Variants in CIT observed in about 807,000 individuals in gnomAD.
The protein encoded by CIT is citron rho-interacting serine/threonine kinase, also known as citron Rho-interacting kinase.
A neutral mutation model predicts 272.7 loss-of-function variants in CIT; 79 were observed. The ratio of observed to expected loss-of-function variants is 0.29; its 90% confidence interval spans 0.24 to 0.35. CIT has a LOEUF of 0.35. CIT is among the 10% of genes least tolerant of loss of function. The pLI is 1.00. For missense variants in CIT, 1,909 were observed against 2,618.3 expected, an observed-to-expected ratio of 0.73 and a Z score of 5.91; for synonymous variants, 948 against 995.6, an observed-to-expected ratio of 0.95 and a Z score of 0.90.
intron 40 of CIT, 93 bp downstream of exon 40, chr12:119,708,086 T>C: frequency 2.3e-6 from 3 of 1,318,244 alleles, no homozygotes; most frequent in Non-Finnish European, 3.0e-6. Flanking sequence ...AAGTTGACAC[T>C]ATCTTGAAGG....
chr12:119,701,800 T>C (rs1158693533), intron 42 of CIT, 48 bp from the exon 43 acceptor site: 1 of 1,614,080 alleles, frequency 6.2e-7, no homozygotes, highest in African/African-American at 1.3e-5. Context: ...GTTCTGAGTC[T>C]CAGCGCGGCC....
chr12:119,791,054 G>C (rs926050628), intron 10 of CIT, among the ~76,000 whole-genome samples: 1 of 152,128 alleles, frequency 6.6e-6, no homozygotes, highest in Non-Finnish European at 1.5e-5. Context: ...ATTAAGGAGG[G>C]GCTTGCCCTA....
chr12:119,743,243 G>A (rs1245225728), intron 23 of CIT, among the ~76,000 whole-genome samples: 1 of 151,866 alleles, frequency 6.6e-6, no homozygotes, highest in Non-Finnish European at 1.5e-5. Context: ...AAAAAAAAAA[G>A]GAATAAGAAA....
chr12:119,767,617 A>G (rs1962598799), intron 18 of CIT, among the ~76,000 whole-genome samples: 1 of 152,242 alleles, frequency 6.6e-6, no homozygotes, highest in Non-Finnish European at 1.5e-5. Flanking sequence ...CATTAACAGA[A>G]TTATTGCTCA....
chr12:119,775,659 C>T (rs1275385634), intron 16 of CIT, 127 bp downstream of exon 16: 1 of 673,876 alleles, frequency 1.5e-6, no homozygotes, highest in African/African-American at 1.8e-5. Flanking sequence ...GCTCACTCCC[C>T]CTTCATTTTC....
chr12:119,759,362 G>A (rs771171829), intron 20 of CIT, among the ~76,000 whole-genome samples: 21 of 152,200 alleles, frequency 1.4e-4, no homozygotes, highest in South Asian at 2.1e-4. Context: ...ATCGAATGCC[G>A]CCAGCCGGGC....
At chr12:119,835,018 T>A (rs553759739) in intron 5 of CIT, among the ~76,000 whole-genome samples, 1 of 152,290 alleles carries the variant, frequency 6.6e-6, no homozygotes, top group African/African-American at 2.4e-5. Context: ...ACCCCTTTTT[T>A]GAAATAAACA....
At chr12:119,830,111 T>G (rs11064923) in intron 7 of CIT, among the ~76,000 whole-genome samples, 1 of 149,918 alleles carries the variant, frequency 6.7e-6, no homozygotes, top group East Asian at 1.9e-4. Flanking sequence ...ACACTTGACT[T>G]GATCTAGTGT....
chr12:119,790,542 T>A (rs943134215), intron 10 of CIT, among the ~76,000 whole-genome samples: 12 of 151,976 alleles, frequency 7.9e-5, no homozygotes, highest in Admixed American at 4.6e-4. Context: ...TTCAACAAAA[T>A]TTTTTTTAAC....
Position 119,825,540 on chromosome 12 carries a change from T to TA in CIT, c.754-173dup, listed in dbSNP as rs11286691. ...AGGAAATGCAAACGCTTTACTAATTTAAAAAAAAAAAAAAAGCACACAGCA... is the reference window on the plus strand; with the variant it reads ...AGGAAATGCAAACGCTTTACTAATTTAAAAAAAAAAAAAAAAGCACACAGCA... On this transcript the variant is annotated intron_variant, in intron 7 of 47. Transcript: ENST00000392521. 1.3e-3 allele frequency among the ~76,000 whole-genome samples: 194 copies of TA among 144,430 alleles called. 2 individuals are homozygous for TA. The East Asian group carries it at 0.02, about 15-fold the overall frequency. 94.8% of individuals were successfully genotyped at this position (144,430 alleles called of 152,430 possible). A position where few individuals can be genotyped will look rare whatever the true frequency, so the allele number is the denominator to read the frequency against.
chr12:119,851,874 A>T (rs1970243258), intron 4 of CIT, among the ~76,000 whole-genome samples: 2 of 152,036 alleles, frequency 1.3e-5, no homozygotes, highest in Non-Finnish European at 2.9e-5. Context: ...CCATCTCTAC[A>T]ATACAAAAAG....
At chr12:119,844,213 G>A (rs1178193958) in intron 5 of CIT, among the ~76,000 whole-genome samples, 1 of 151,864 alleles carries the variant, frequency 6.6e-6, no homozygotes, top group Non-Finnish European at 1.5e-5. Flanking sequence ...GTAGAGACGG[G>A]GTTTCACCAT....
At position 119,751,507 on chromosome 12, in the gene CIT, G is replaced by T. The variant is rs142983394; in HGVS notation, c.2904+543C>A. ...CTAGTCTCTCAGAAAGAACAAGGAA[G>T]CCAGGTCCCTTTTAGAGAAAGAATC... is the stretch of plus-strand genomic sequence containing the variant. On this transcript the variant is annotated intron_variant, in intron 23 of 47. Coordinates refer to ENST00000392521, the MANE Select transcript of CIT (RefSeq NM_001206999.2). Among the ~76,000 whole-genome samples the T allele has an allele frequency of 8.6e-5, 13 of 151,588 alleles. No individual in the cohort carries two copies. In the East Asian group the frequency reaches 2.5e-3, roughly 29 times the overall value.
intron 24 of CIT, among the ~76,000 whole-genome samples, chr12:119,735,999 G>C (rs1593528959): frequency 6.6e-6 from 1 of 152,214 alleles, no homozygotes; most frequent in African/African-American, 2.4e-5. Flanking sequence ...ACAATGGGAA[G>C]CCATGTATAT....
At chr12:119,771,322 T>C (rs1269717886) in intron 17 of CIT, among the ~76,000 whole-genome samples, 1 of 152,068 alleles carries the variant, frequency 6.6e-6, no homozygotes, top group Non-Finnish European at 1.5e-5. Flanking sequence ...AATTGGACAG[T>C]TGAGCAGAGA....
chr12:119,797,086 A>G (rs1425108128), intron 10 of CIT, among the ~76,000 whole-genome samples: 3 of 152,242 alleles, frequency 2.0e-5, no homozygotes, highest in Non-Finnish European at 4.4e-5. Context: ...GGAGAAATTC[A>G]CGTAGACAAA....
rs960088214 is a variant in CIT, at chr12:119,775,729, G to T, written c.1941+57C>A. On this transcript the variant is annotated intron_variant, in intron 16 of 47. Coordinates refer to ENST00000392521, the MANE Select transcript of CIT (RefSeq NM_001206999.2). Reference sequence around the variant, plus strand: ...CTTTCGTGCTCTGGGACAAGGCAAAGATGTTTGGAAAGGAGGTGGTGGGGG... The same window carrying T: ...CTTTCGTGCTCTGGGACAAGGCAAATATGTTTGGAAAGGAGGTGGTGGGGG... 5 of 1,346,286 alleles carry T rather than the reference G, an allele frequency of 3.7e-6. No homozygotes were observed. The African/African-American group carries it at 5.8e-5, about 16-fold the overall frequency. 83.4% of individuals were successfully genotyped at this position (1,346,286 alleles called of 1,614,324 possible). A position where few individuals can be genotyped will look rare whatever the true frequency, so the allele number is the denominator to read the frequency against.
In CIT at chr12:119,691,017, C is replaced by T. The variant is rs1367926364; in HGVS notation, c.5883-563G>A. ...TGAAACCCCGTCTCTACTAAAAATA[C>T]AAAAATTAGCCGGGCGTGTTGGCGT... On this transcript the variant is annotated intron_variant, in intron 46 of 47. Coordinates refer to ENST00000392521, the MANE Select transcript of CIT (RefSeq NM_001206999.2). Among the ~76,000 whole-genome samples the T allele has an allele frequency of 3.9e-5, 6 of 152,142 alleles. No homozygotes were observed. The East Asian group carries it at 9.7e-4, about 25-fold the overall frequency.
chr12:119,703,575 G>A (rs1009340652), intron 41 of CIT, among the ~76,000 whole-genome samples: 1 of 151,844 alleles, frequency 6.6e-6, no homozygotes, highest in African/African-American at 2.4e-5. Context: ...ACAAGCACCC[G>A]CCACCATGCC....
Sources: allele counts gnomAD v4.1 joint callset (sites outside exome capture counted in the v4.1 genomes callset), GRCh38; gene constraint gnomAD v4.1.1; transcripts MANE v1.5; gene names NCBI Gene and HGNC (gene_info 2026-07-23, HGNC 2026-07-21).